SPRY3: variants seen among roughly 807,000 people sequenced by gnomAD.
The protein encoded by SPRY3 is protein sprouty homolog 3.
In SPRY3, 15 loss-of-function variants were observed where a neutral mutation model predicts 20.2. The ratio of observed to expected loss-of-function variants is 0.74; its 90% CI spans 0.50 to 1.14. The LOEUF (loss-of-function observed/expected upper bound fraction) is 1.14, where lower values mean the gene tolerates loss of function less well. SPRY3 is among the 50% of genes most tolerant of loss of function. SPRY3 has a pLI of 0.00. For missense variants in SPRY3, 364 were observed against 363.9 expected (o/e 1.00, Z 0.00); for synonymous variants, 143 against 136.5 (o/e 1.05, Z -0.33).
At chrX:155,709,838 A>G (rs1169576538) in intron 2 of SPRY3, among the ~76,000 whole-genome samples, 1 of 151,654 alleles carries the variant, frequency 6.6e-6, no homozygotes, top group Non-Finnish European at 1.5e-5. Flanking sequence ...TTGGTTTTGT[A>G]TAAGGTGAGA....
chrX:155,650,291 C>T (rs1051650776), intron 1 of SPRY3, among the ~76,000 whole-genome samples: 7 of 111,514 alleles, frequency 6.3e-5, no homozygotes, highest in East Asian at 2.8e-4. Flanking sequence ...AAATAGAGCC[C>T]GTATAGCCAA....
chrX:155,641,612 G>A (rs782367378), intron 1 of SPRY3, among the ~76,000 whole-genome samples: 3 of 115,061 alleles, frequency 2.6e-5, no homozygotes, highest in Non-Finnish European at 3.7e-5. Context: ...AAATACGTGC[G>A]GCGGGAAGAT....
chrX:155,728,916 T>A (rs1214084301), intron 2 of SPRY3, among the ~76,000 whole-genome samples: 7 of 152,046 alleles, frequency 4.6e-5, no homozygotes, highest in Non-Finnish European at 5.9e-5. Flanking sequence ...TTAGCAGAAG[T>A]AGCTATACAT....
chrX:155,706,630 A>G (rs2090953496), intron 2 of SPRY3, among the ~76,000 whole-genome samples: 1 of 150,966 alleles, frequency 6.6e-6, no homozygotes. Flanking sequence ...CAAGAAGACA[A>G]TTACCAATAT....
At position 155,767,911 on chromosome X, in the gene SPRY3, T is replaced by TTTG. The variant is rs200043611; in HGVS notation, c.-281-48_-281-46dup. 7.1e-3 allele frequency: 1,061 copies of TTTG among 149,522 alleles called. 16 individuals are homozygous for TTTG. The highest frequency in any genetic ancestry group is 0.025 in the African/African-American group (1,016 of 40,382). The allele number at this position is 149,522 out of a possible 1,614,324, so 9.3% of individuals were successfully genotyped here. ...CTCGCCCCCTCCCCCGTTTTTTTGT[T>TTTG]TTGTTTTGTTTTGTTTTGTTTTGTT... On this transcript the variant is annotated intron_variant, in intron 2 of 3. Coordinates refer to ENST00000675360, the Ensembl canonical transcript of SPRY3.
At chrX:155,767,606 G>A (rs2091341804) in intron 2 of SPRY3, among the ~76,000 whole-genome samples, 1 of 146,920 alleles carries the variant, frequency 6.8e-6, no homozygotes, top group South Asian at 2.2e-4. Flanking sequence ...AAAGGGGAGG[G>A]CAAGAGGAGG....
chrX:155,711,823 T>C (rs1224402838), intron 2 of SPRY3, among the ~76,000 whole-genome samples: 3 of 151,534 alleles, frequency 2.0e-5, no homozygotes, highest in African/African-American at 7.2e-5. Context: ...TTCTTCTTTT[T>C]TGTTGTAGGG....
exon 4 of SPRY3, chrX:155,774,057 C>T: frequency 6.2e-7 from 1 of 1,613,958 alleles, no homozygotes; most frequent in Non-Finnish European, 8.5e-7. Flanking sequence ...CTACTTCTCT[C>T]CCCCGCAGTC....
chrX:155,770,431 T>A (rs1366071442), intron 3 of SPRY3, among the ~76,000 whole-genome samples: 1 of 152,102 alleles, frequency 6.6e-6, no homozygotes, highest in Non-Finnish European at 1.5e-5. Flanking sequence ...AGGTTGAACA[T>A]GGCAAATTCA....
At chrX:155,741,097 A>T (rs1045401319) in intron 2 of SPRY3, among the ~76,000 whole-genome samples, 4 of 152,226 alleles carry the variant, frequency 2.6e-5, no homozygotes, top group African/African-American at 7.2e-5. Flanking sequence ...AAAGCTAAGA[A>T]TCATGAAAAC....
At position 155,721,577 on chromosome X, in the gene SPRY3, A is replaced by G. The variant is rs181658239; in HGVS notation, c.-281-46385A>G. On this transcript the variant is annotated intron_variant, in intron 2 of 3. Coordinates refer to ENST00000675360, the Ensembl canonical transcript of SPRY3. ...GCAAGAGAAAATAAACGAATAACAT[A>G]CTATGGAGCTCCAATAACCTGGCAG... Among the ~76,000 whole-genome samples the G allele has an allele frequency of 2.3e-4, 35 of 152,232 alleles. No homozygotes were observed. The East Asian group carries it at 6.4e-3, about 28-fold the overall frequency.
intron 2 of SPRY3, among the ~76,000 whole-genome samples, chrX:155,733,917 C>T (rs1162147917): frequency 6.6e-6 from 1 of 152,064 alleles, no homozygotes; most frequent in Non-Finnish European, 1.5e-5. Context: ...TCTGCAGCTT[C>T]CTTGCTTCAT....
chrX:155,716,981 A>AAATAT, intron 2 of SPRY3, among the ~76,000 whole-genome samples: 1 of 63,500 alleles, frequency 1.6e-5, no homozygotes, highest in South Asian at 5.1e-4. Context: ...TAAAATACAA[A>AAATAT]ATATATATAT....
downstream of SPRY3, chrX:155,779,832 TG>T (rs1484776017): frequency 6.0e-6 from 1 of 167,038 alleles, no homozygotes; most frequent in Non-Finnish European, 1.5e-5. Context: ...AATAGTTCCC[TG>T]TGTCCTATAG....
At chrX:155,613,181 G>C (rs868973301) in intron 1 of SPRY3, among the ~76,000 whole-genome samples, 1 of 112,089 alleles carries the variant, frequency 8.9e-6, no homozygotes, top group Non-Finnish European at 1.9e-5. Context: ...TGCTCCTCCC[G>C]AGTCCTCCCA....
At chrX:155,686,106 T>C (rs2068087052) in intron 2 of SPRY3, among the ~76,000 whole-genome samples, 2 of 112,209 alleles carry the variant, frequency 1.8e-5, no homozygotes, top group Admixed American at 1.9e-4. Context: ...ATTATTTCAG[T>C]TCTAAAATTT....
chrX:155,633,664 A>T (rs1330233904), intron 1 of SPRY3, among the ~76,000 whole-genome samples: 1 of 111,545 alleles, frequency 9.0e-6, no homozygotes, highest in African/African-American at 3.3e-5. Flanking sequence ...ATGTGGGCTT[A>T]TGGAGGTAAG....
intron 2 of SPRY3, among the ~76,000 whole-genome samples, chrX:155,704,190 G>A (rs1011569428): frequency 4.0e-4 from 61 of 151,704 alleles, no homozygotes; most frequent in African/African-American, 1.4e-3. Context: ...AATTAGATAC[G>A]ACACAAATTT....
chrX:155,624,515 A>G (rs868910766), intron 1 of SPRY3, among the ~76,000 whole-genome samples: 3 of 84,575 alleles, frequency 3.5e-5, no homozygotes, highest in Non-Finnish European at 7.0e-5. Context: ...CTATTTATCT[A>G]TCATCTATCT....
Sources: gnomAD v4.1 joint callset for allele counts (sites outside exome capture counted in the v4.1 genomes callset) on GRCh38, gnomAD v4.1.1 for gene constraint, MANE v1.5 for transcripts, NCBI Gene and HGNC (gene_info 2026-07-23, HGNC 2026-07-21) for gene names.